Variants in ARID2 observed in about 807,000 individuals in gnomAD.
ARID2 encodes AT-rich interaction domain 2.
In ARID2, 32 loss-of-function variants were observed where a neutral mutation model predicts 184.6. That is an observed-to-expected ratio of 0.17 (90% CI 0.13 to 0.23). The LOEUF (loss-of-function observed/expected upper bound fraction) is 0.23. ARID2 is among the 10% of genes least tolerant of loss of function. The pLI, the probability that ARID2 is intolerant of heterozygous loss-of-function variation, is 1.00. For synonymous variants in ARID2, 836 were observed against 772.6 expected, an observed-to-expected ratio of 1.08 and a Z score of -1.36; for missense variants, 1,696 against 2,197.6, an observed-to-expected ratio of 0.77 and a Z score of 4.56.
chr12:45,755,503 G>A (rs979436742), intron 3 of ARID2, among the ~76,000 whole-genome samples: 2 of 152,208 alleles, frequency 1.3e-5, no homozygotes, highest in African/African-American at 4.8e-5. Context: ...GCTTATCGTT[G>A]TAAGTATCAC....
Position 45,851,852 on chromosome 12 carries a change from T to C in ARID2, c.3729T>C (p.Ile1243=), listed in dbSNP as rs2138174150. 1 of 1,614,082 alleles carries C rather than the reference T, an allele frequency of 6.2e-7. No individual in the cohort carries two copies. Among genetic ancestry groups the C allele is most frequent in the Non-Finnish European group, 8.5e-7 (1 of 1,180,002 alleles). The change falls in exon 15 of 21, where the codon ATT becomes ATC. Residue 1243 remains isoleucine (I), a synonymous_variant. Coordinates refer to ENST00000334344, the MANE Select transcript of ARID2 (RefSeq NM_152641.4). ...CCCCATTCAAAGGTGATAAAATAAT[T>C]TGCCAAAAGGAGGAGGAAGCAAAGG... The part of the protein sequence containing the change: ...ATPPFKGDKI[I]CQKEEEAKEA...
At chr12:45,784,221 G>C (rs1313572775) in intron 3 of ARID2, among the ~76,000 whole-genome samples, 1 of 151,800 alleles carries the variant, frequency 6.6e-6, no homozygotes, top group Admixed American at 6.6e-5. Context: ...GGGTCTTGCT[G>C]TGTGGCCCAG....
chr12:45,806,015 T>C (rs78341918), intron 3 of ARID2, among the ~76,000 whole-genome samples: 2,859 of 152,272 alleles, frequency 0.019, 47 homozygotes, highest in Non-Finnish European at 0.03. Context: ...TGTTTTTGTC[T>C]AGAGAGCCAT....
rs181304748 is a variant in ARID2, at chr12:45,746,891, C to T, written c.284+15577C>T. Among the ~76,000 whole-genome samples, 24 of 152,186 alleles carry T rather than the reference C, an allele frequency of 1.6e-4. No homozygotes were observed. In the East Asian group the frequency reaches 4.2e-3, roughly 27 times the overall value. Reference sequence around the variant, plus strand: ...ACGCCATTCTCCTGCCTCAGCCTCCCGAGTAGCTGGGACTACAGGCGCTCG... The same window carrying T: ...ACGCCATTCTCCTGCCTCAGCCTCCTGAGTAGCTGGGACTACAGGCGCTCG... On this transcript the variant is annotated intron_variant, in intron 3 of 20. Coordinates refer to ENST00000334344, the MANE Select transcript of ARID2 (RefSeq NM_152641.4).
intron 20 of ARID2, among the ~76,000 whole-genome samples, chr12:45,900,826 T>C (rs1349573936): frequency 6.6e-6 from 1 of 152,186 alleles, no homozygotes; most frequent in African/African-American, 2.4e-5. Flanking sequence ...AGGGCATTGC[T>C]TTGGTGTATT....
chr12:45,744,205 A>G (rs978955697), intron 3 of ARID2, among the ~76,000 whole-genome samples: 3 of 152,128 alleles, frequency 2.0e-5, no homozygotes, highest in African/African-American at 7.2e-5. Context: ...TGCTTCTGAC[A>G]TTTCCTCATT....
chr12:45,809,683 A>T (rs533015346), intron 3 of ARID2, among the ~76,000 whole-genome samples: 1 of 152,170 alleles, frequency 6.6e-6, no homozygotes, highest in Non-Finnish European at 1.5e-5. Context: ...TATTGGATTC[A>T]TTATCTATCA....
chr12:45,893,098 G>A (rs534626160), intron 18 of ARID2, among the ~76,000 whole-genome samples: 3 of 152,218 alleles, frequency 2.0e-5, no homozygotes, highest in Non-Finnish European at 2.9e-5. Flanking sequence ...AGATGAGAAG[G>A]CTATAACTTC....
rs1229995738 is a variant in ARID2, at chr12:45,849,743, G to C, written c.1879G>C (p.Val627Leu). ...VSTSVVRVDS[V>L]PDVSPAPSPA... ...TACTTCTGTTGTTCGTGTTGATTCTGTTCCTGATGTATCTCCTGCTCCTTC... is the reference window on the plus strand; with the variant it reads ...TACTTCTGTTGTTCGTGTTGATTCTCTTCCTGATGTATCTCCTGCTCCTTC... The change falls in exon 14 of 21, where the codon GTT becomes CTT. Residue 627 changes from valine (V) to leucine (L), a missense_variant. By Grantham distance (32) the Val-to-Leu change is conservative (BLOSUM62 1). Transcript: ENST00000334344. The C allele has an allele frequency of 6.2e-7, 1 of 1,613,346 alleles. No homozygotes were observed. Among genetic ancestry groups the C allele is most frequent in the South Asian group, 1.1e-5 (1 of 90,944 alleles).
At chr12:45,749,617 T>C (rs1941421371) in intron 3 of ARID2, among the ~76,000 whole-genome samples, 4 of 152,214 alleles carry the variant, frequency 2.6e-5, no homozygotes, top group Admixed American at 6.5e-5. Flanking sequence ...ATAGAAGGCT[T>C]TTTCATCTAT....
chr12:45,747,962 A>G lies in ARID2; in HGVS notation c.284+16648A>G, dbSNP rs544567561. 9.2e-5 allele frequency among the ~76,000 whole-genome samples: 14 copies of G among 152,308 alleles called. No homozygotes were observed. The South Asian group carries it at 2.5e-3, about 27-fold the overall frequency. Reference sequence around the variant, plus strand: ...TGATTCCAGACCACCACATTAATATATATGATAGTAAAATGAGAGTGAATT... The same window carrying G: ...TGATTCCAGACCACCACATTAATATGTATGATAGTAAAATGAGAGTGAATT... On this transcript the variant is annotated intron_variant, in intron 3 of 20. Transcript: ENST00000334344.
intron 18 of ARID2, 121 bp from the exon 19 acceptor site, chr12:45,893,299 C>T (rs1294202652): frequency 8.2e-7 from 1 of 1,221,996 alleles, no homozygotes; most frequent in Non-Finnish European, 1.1e-6. Flanking sequence ...GACCTTTAGT[C>T]ACCCTGTAAA....
At chr12:45,735,429 G>GTA (rs1435006643) in intron 3 of ARID2, among the ~76,000 whole-genome samples, 2 of 141,774 alleles carry the variant, frequency 1.4e-5, no homozygotes, top group Non-Finnish European at 3.2e-5. Flanking sequence ...GTGTGTGTGT[G>GTA]TGTGTGTGTG....
chr12:45,852,617 C>T lies in ARID2; in HGVS notation c.4494C>T (p.Ala1498=), dbSNP rs1943576007. ...DSGSKVSHSP[A]LSSDVRSTNG... is the part of the protein sequence containing the mutation. Reference sequence around the variant, plus strand: ...GATCAAAAGTATCCCATTCTCCTGCCCTATCATCTGACGTTCGGTCTACAA... The same window carrying T: ...GATCAAAAGTATCCCATTCTCCTGCTCTATCATCTGACGTTCGGTCTACAA... The change falls in exon 15 of 21, where the codon GCC becomes GCT. Residue 1498 remains alanine, a synonymous_variant. Transcript: ENST00000334344. The T allele has an allele frequency of 1.2e-6, 2 of 1,614,142 alleles. No homozygotes were observed. The highest frequency in any genetic ancestry group is 4.5e-5 in the East Asian group (2 of 44,888).
At chr12:45,750,910 T>A (rs989814453) in intron 3 of ARID2, among the ~76,000 whole-genome samples, 1 of 152,198 alleles carries the variant, frequency 6.6e-6, no homozygotes, top group Non-Finnish European at 1.5e-5. Context: ...GGGGCTAGAA[T>A]TTGACCCAGG....
chr12:45,737,459 A>G (rs1820733559), intron 3 of ARID2, among the ~76,000 whole-genome samples: 1 of 151,530 alleles, frequency 6.6e-6, no homozygotes, highest in Admixed American at 6.6e-5. Flanking sequence ...TTTGGTGTCA[A>G]TTAACTTGTT....
intron 16 of ARID2, among the ~76,000 whole-genome samples, chr12:45,875,651 C>T (rs938794999): frequency 1.3e-5 from 2 of 152,210 alleles, no homozygotes; most frequent in Admixed American, 1.3e-4. Context: ...ATGATGTTAG[C>T]TAGGTCTTCT....
intron 3 of ARID2, among the ~76,000 whole-genome samples, chr12:45,803,939 A>G (rs1011121239): frequency 6.6e-6 from 1 of 152,202 alleles, no homozygotes; most frequent in Non-Finnish European, 1.5e-5. Context: ...CAAATGAGTG[A>G]CGGTTCCTCT....
intron 3 of ARID2, among the ~76,000 whole-genome samples, chr12:45,744,973 T>G (rs2137984504): frequency 6.6e-6 from 1 of 152,314 alleles, no homozygotes; most frequent in East Asian, 1.9e-4. Flanking sequence ...GGAGGTTAGC[T>G]TAAATGTGTG....
Sources: gnomAD v4.1 joint callset for allele counts (sites outside exome capture counted in the v4.1 genomes callset) on GRCh38, gnomAD v4.1.1 for gene constraint, MANE v1.5 for transcripts, NCBI Gene and HGNC (gene_info 2026-07-23, HGNC 2026-07-21) for gene names.